Variants in NXF3 observed in about 807,000 individuals in gnomAD.
The protein encoded by NXF3 is nuclear RNA export factor 3.
NXF3 carries 34 observed loss-of-function variants against 48.4 expected under a neutral mutation model. The observed-to-expected ratio is 0.70, with a 90% confidence interval of 0.53 to 0.93. The LOEUF (loss-of-function observed/expected upper bound fraction) is 0.93. NXF3 is among the 40% of genes least tolerant of loss of function. The probability of loss-of-function intolerance (pLI) is 0.00; values close to 1 mark genes in which losing one functional copy is unlikely to be tolerated. For synonymous variants in NXF3, 132 were observed against 145.7 expected (o/e 0.91, Z 0.68); for missense variants, 359 against 406.1 (o/e 0.88, Z 1.00).
At chrX:103,089,299 A>C in intron 1 of NXF3, 1 of 433,829 alleles carries the variant, frequency 2.3e-6, no homozygotes, top group Non-Finnish European at 4.0e-6. Context: ...ACCACTAACA[A>C]TTGTGGTCTC....
Position 103,084,743 on chromosome X carries a change from C to G in NXF3, c.169G>C (p.Gly57Arg). The change falls in exon 2 of 20, where the codon GGT (glycine) becomes CGT (arginine). Residue 57 changes from glycine (G) to arginine (R), a missense_variant. Physicochemically the swap from Gly to Arg is moderately radical, Grantham distance 125. Coordinates refer to ENST00000395065, the MANE Select transcript of NXF3 (RefSeq NM_022052.2). ...QQQDGDAAMH[G>R]AHMDSPVRYT... Reference sequence around the variant, plus strand: ...CTTACTGGAGAGTCCATGTGGGCACCATGCATTGCTGCATCTCCATCTTGC... The same window carrying G: ...CTTACTGGAGAGTCCATGTGGGCACGATGCATTGCTGCATCTCCATCTTGC... The G allele has an allele frequency of 2.5e-6, 3 of 1,211,848 alleles. No homozygotes were observed. The highest frequency in any genetic ancestry group is 3.5e-5 in the South Asian group (2 of 56,959).
In NXF3 at chrX:103,085,346, T is replaced by C. The variant is rs188022574; in HGVS notation, c.29-463A>G. Among the ~76,000 whole-genome samples the C allele has an allele frequency of 3.6e-3, 404 of 111,762 alleles. 5 individuals are homozygous for C. The highest frequency in any genetic ancestry group is 0.034 in the Admixed American group (358 of 10,511). ...AGGTGATACTAATCTATGATGATAGTCCTTGCTCTGCCCTTTTCAGGCTGG... is the reference window on the plus strand; with the variant it reads ...AGGTGATACTAATCTATGATGATAGCCCTTGCTCTGCCCTTTTCAGGCTGG... On this transcript the variant is annotated intron_variant, in intron 1 of 19. Coordinates refer to ENST00000395065, the MANE Select transcript of NXF3 (RefSeq NM_022052.2).
rs996637526 is a variant in NXF3 at position 103,087,962 on chromosome X, C to A, written c.29-3079G>T. The A allele has an allele frequency of 8.4e-6, 8 of 948,221 alleles. No homozygotes were observed. The African/African-American group carries it at 1.5e-4, about 18-fold the overall frequency. 78.1% of individuals were successfully genotyped at this position (948,221 alleles called of 1,213,427 possible). On this transcript the variant is annotated intron_variant, in intron 1 of 19. Coordinates refer to ENST00000395065, the MANE Select transcript of NXF3 (RefSeq NM_022052.2). ...AAGAAGAGGCATACAGAATATTGCC[C>A]CCTGCCTAATAAGTTAAATGCAAAT...
Position 103,084,372 on chromosome X carries a change from AT to A in NXF3, c.320del (p.Asp107ValfsTer4), listed in dbSNP as rs1225691392. 1.7e-6 allele frequency: 2 copies of A among 1,209,752 alleles called. No individual in the cohort carries two copies. The highest frequency in any genetic ancestry group is 2.2e-6 in the Non-Finnish European group (2 of 895,274). The stretch of plus-strand genomic sequence containing the variant: ...TCTTGAACCAGCTCCCTAAGGTCCC[AT>A]CCGGCATGTTCCCCTCCATTCTTCT... ...PERRMEGNMP[D>X]GTLGSWFKIT... is the part of the protein sequence containing the mutation. On this transcript the variant is annotated frameshift_variant, in exon 3 of 20. Coordinates refer to ENST00000395065, the MANE Select transcript of NXF3 (RefSeq NM_022052.2). LOFTEE classifies it high-confidence loss of function.
Position 103,080,617 on chromosome X carries a change from C to G in NXF3, c.891-5G>C, listed in dbSNP as rs775500127. On this transcript the variant is annotated splice_region_variant and splice_polypyrimidine_tract_variant and intron_variant, in intron 9 of 19. Transcript: ENST00000395065. Reference sequence around the variant, plus strand: ...GGGAACAATTCCAGGATGGAGCTGCCGAAAATCAAAACAAAATGGACAACG... The same window carrying G: ...GGGAACAATTCCAGGATGGAGCTGCGGAAAATCAAAACAAAATGGACAACG... 1 of 1,208,299 alleles carries G rather than the reference C, an allele frequency of 8.3e-7. No homozygotes were observed. Among genetic ancestry groups the G allele is most frequent in the Non-Finnish European group, 1.1e-6 (1 of 893,349 alleles).
At chrX:103,086,564 A>G (rs962719909) in intron 1 of NXF3, among the ~76,000 whole-genome samples, 1 of 110,709 alleles carries the variant, frequency 9.0e-6, no homozygotes, top group Admixed American at 9.7e-5. Flanking sequence ...ACAGGCAAAA[A>G]TAAATATATA....
Position 103,078,592 on chromosome X carries a change from C to A in NXF3, c.1419G>T (p.Arg473=). The A allele has an allele frequency of 3.3e-6, 4 of 1,212,023 alleles. No homozygotes were observed. Among genetic ancestry groups the A allele is most frequent in the Non-Finnish European group, 4.5e-6 (4 of 895,648 alleles). The stretch of plus-strand genomic sequence containing the variant: ...TGCTGCCAGGGGTAGCAATGAAGGT[C>A]CGGGTGAAGGCGAGAACAGAACCCT... ...QSQGSVLAFT[R]TFIATPGSSS... is the part of the protein sequence containing the mutation. The change falls in exon 17 of 20, where the codon CGG becomes CGT. Residue 473 remains arginine, a synonymous_variant. Transcript: ENST00000395065.
chrX:103,078,693 G>A, intron 16 of NXF3, 61 bp from the exon 17 acceptor site: 2 of 1,204,860 alleles, frequency 1.7e-6, no homozygotes, highest in South Asian at 1.8e-5. Context: ...CTCACATGGT[G>A]ATCCCCAATC....
chrX:103,082,492 C>T, intron 8 of NXF3, 128 bp from the exon 9 acceptor site: 1 of 492,045 alleles, frequency 2.0e-6, no homozygotes, highest in Non-Finnish European at 3.6e-6. Context: ...GAACCCTCCT[C>T]CCCCTTTTTC....
chrX:103,091,451 A>G (rs1322107637), intron 1 of NXF3, among the ~76,000 whole-genome samples: 2 of 111,429 alleles, frequency 1.8e-5, no homozygotes, highest in African/African-American at 3.3e-5. Context: ...TAGCATTTAC[A>G]TTCCATTAGG....
chrX:103,088,969 C>A, intron 1 of NXF3: 1 of 1,170,946 alleles, frequency 8.5e-7, no homozygotes, highest in South Asian at 1.8e-5. Context: ...GATTTTATTC[C>A]TGGTAGCACC....
intron 1 of NXF3, among the ~76,000 whole-genome samples, chrX:103,092,324 A>C (rs1922298163): frequency 9.4e-6 from 1 of 105,846 alleles, no homozygotes; most frequent in Admixed American, 1.0e-4. Context: ...AAATTATTGA[A>C]AAAATTTCAG....
chrX:103,080,243 G>A (rs901160803), intron 10 of NXF3, 27 bp from the exon 11 acceptor site: 1 of 1,182,224 alleles, frequency 8.5e-7, no homozygotes. Flanking sequence ...GAAGTCAGTA[G>A]TGCAAAGTAG....
rs746686429 is a variant in NXF3 at position 103,079,762 on chromosome X, C to T, written c.1160+1G>A. On this transcript the variant is annotated splice_donor_variant, in intron 13 of 19. Transcript: ENST00000395065. LOFTEE classifies it high-confidence loss of function. Reference sequence around the variant, plus strand: ...ACCAGGGTCGGAGCTGTGATACTCACGGGGCTGAGTCCTCAGGATTGAAGG... The same window carrying T: ...ACCAGGGTCGGAGCTGTGATACTCATGGGGCTGAGTCCTCAGGATTGAAGG... The T allele has an allele frequency of 3.3e-6, 4 of 1,208,177 alleles. No individual in the cohort carries two copies. The highest frequency in any genetic ancestry group is 3.0e-5 in the East Asian group (1 of 33,790).
chrX:103,092,884 T>A (rs1922312641), intron 1 of NXF3, 112 bp downstream of exon 1: 1 of 793,250 alleles, frequency 1.3e-6, no homozygotes, highest in African/African-American at 2.0e-5. Flanking sequence ...CCCACCCCCA[T>A]CTAAAGGGAG....
rs143927808 is a variant in NXF3 at position 103,082,275 on chromosome X, C to T, written c.870G>A (p.Ser290=). Residue 290 remains serine (S), a synonymous_variant, in exon 9 of 20, where the codon TCG becomes TCA. Coordinates refer to ENST00000395065, the MANE Select transcript of NXF3 (RefSeq NM_022052.2). ...CTGACTTTATGTTGCTGGAGGTATC[C>T]GAGAAGGTCGTGCACACTGGGCTTC... ...ADRSPVCTTF[S]DTSSNINSIL... The T allele has an allele frequency of 2.6e-5, 31 of 1,203,235 alleles. No individual in the cohort carries two copies. The highest frequency in any genetic ancestry group is 8.8e-5 in the African/African-American group (5 of 56,745).
chrX:103,084,524 AC>A, intron 2 of NXF3, 29 bp from the exon 3 acceptor site: 1 of 1,204,942 alleles, frequency 8.3e-7, no homozygotes, highest in Admixed American at 2.2e-5. Flanking sequence ...AAGGTAGTTC[AC>A]ATATGCTCCG....
intron 1 of NXF3, among the ~76,000 whole-genome samples, chrX:103,090,626 G>C (rs1318401668): frequency 2.7e-5 from 3 of 111,875 alleles, no homozygotes; most frequent in African/African-American, 9.7e-5. Flanking sequence ...TGAGAATGTG[G>C]ATAAAAGAAC....
At chrX:103,086,730 A>G (rs1922166579) in intron 1 of NXF3, among the ~76,000 whole-genome samples, 2 of 110,795 alleles carry the variant, frequency 1.8e-5, no homozygotes, top group South Asian at 7.7e-4. Context: ...ATAATACAGA[A>G]TATTTGAAAA....
Sources: allele counts gnomAD v4.1 joint callset (sites outside exome capture counted in the v4.1 genomes callset), GRCh38; gene constraint gnomAD v4.1.1; transcripts MANE v1.5; gene names NCBI Gene and HGNC (gene_info 2026-07-23, HGNC 2026-07-21).